Variants in DNM1L observed in about 807,000 individuals in gnomAD.
DNM1L encodes the protein dynamin-1-like protein.
A neutral mutation model predicts 92.8 loss-of-function variants in DNM1L; 33 were observed. The ratio of observed to expected loss-of-function variants is 0.36; its 90% CI spans 0.27 to 0.48. The LOEUF (loss-of-function observed/expected upper bound fraction) is 0.48. Ranked by LOEUF, DNM1L falls within the 20% of genes least tolerant of loss-of-function variation. The probability of loss-of-function intolerance (pLI) is 0.99; values close to 1 mark genes in which losing one functional copy is unlikely to be tolerated. For synonymous variants in DNM1L, 284 were observed against 305.0 expected, an observed-to-expected ratio of 0.93 and a Z score of 0.72; for missense variants, 485 against 888.8, an observed-to-expected ratio of 0.55 and a Z score of 5.78.
chr12:32,731,081 C>A lies in DNM1L; in HGVS notation c.1147C>A (p.Pro383Thr). 1 of 1,613,972 alleles carries A rather than the reference C, an allele frequency of 6.2e-7. No homozygotes were observed. The highest frequency in any genetic ancestry group is 8.5e-7 in the Non-Finnish European group (1 of 1,179,984). Residue 383 changes from proline (P) to threonine (T), a missense_variant, in exon 10 of 20, where the codon CCA (proline) becomes ACA (threonine). By Grantham distance (38) the Pro-to-Thr change is conservative. Transcript: ENST00000549701. This position sits in a 1 kb window ranked among gnomAD's most constrained non-coding sequence, Gnocchi z 5.1. ...TGGGCGAACCTTAGAATCTGTTGAT[C>A]CACTTGGTGGCCTTAACACTATTGA... ...TFGRTLESVD[P>T]LGGLNTIDIL...
At chr12:32,700,310 G>A (rs1378323434) in intron 1 of DNM1L, among the ~76,000 whole-genome samples, 2 of 152,064 alleles carry the variant, frequency 1.3e-5, no homozygotes, top group African/African-American at 4.8e-5. Flanking sequence ...AGTAGAGACA[G>A]GGTTTTGCCA....
At chr12:32,705,261 TCA>T (rs1952879601) in intron 2 of DNM1L, 2 of 152,184 alleles carry the variant, frequency 1.3e-5, no homozygotes, top group African/African-American at 2.4e-5. Flanking sequence ...CCTCGGCTTC[TCA>T]AAGTGCTGAG....
chr12:32,679,555 C>T (rs1353404801), intron 1 of DNM1L, 90 bp downstream of exon 1: 4 of 1,449,884 alleles, frequency 2.8e-6, no homozygotes, highest in Non-Finnish European at 3.7e-6. Flanking sequence ...CGCCAGCGCC[C>T]ACTCCCGCGC....
intron 1 of DNM1L, among the ~76,000 whole-genome samples, chr12:32,680,997 G>C (rs1951780487): frequency 6.6e-6 from 1 of 152,174 alleles, no homozygotes; most frequent in Non-Finnish European, 1.5e-5. Flanking sequence ...TAGTGTGTCA[G>C]CATAAATAGT....
At chr12:32,725,501 C>T (rs1167673335) in intron 9 of DNM1L, 1 of 152,202 alleles carries the variant, frequency 6.6e-6, no homozygotes, top group Non-Finnish European at 1.5e-5. Context: ...GGTTACTTTA[C>T]AGTTAACTAT....
At chr12:32,686,273 A>G (rs1952009796) in intron 1 of DNM1L, among the ~76,000 whole-genome samples, 1 of 151,856 alleles carries the variant, frequency 6.6e-6, no homozygotes, top group Non-Finnish European at 1.5e-5. Context: ...TCTCAAACTC[A>G]TGACCTCAGG....
intron 1 of DNM1L, among the ~76,000 whole-genome samples, chr12:32,700,816 A>C (rs1046540420): frequency 1.4e-4 from 21 of 152,244 alleles, no homozygotes; most frequent in African/African-American, 4.8e-4. Flanking sequence ...AAACAACTAC[A>C]TATTATAGGC....
Position 32,724,616 on chromosome 12 carries a change from ATAT to A in DNM1L, c.1079+1984_1079+1986del, listed in dbSNP as rs1954006799. ...AAAATATATATATATATATATATAT[ATAT>A]AAATTATATTAATTAAATATAAATT... On this transcript the variant is annotated intron_variant, in intron 9 of 19. Coordinates refer to ENST00000549701, the MANE Select transcript of DNM1L (RefSeq NM_012062.5). 3.3e-4 allele frequency among the ~76,000 whole-genome samples: 46 copies of A among 139,086 alleles called. 2 individuals carry two copies. Among genetic ancestry groups the A allele is most frequent in the South Asian group, 2.4e-3 (11 of 4,532 alleles). 91.2% of individuals were successfully genotyped at this position (139,086 alleles called of 152,430 possible).
intron 18 of DNM1L, among the ~76,000 whole-genome samples, chr12:32,740,896 T>C (rs559502473): frequency 6.6e-6 from 1 of 152,370 alleles, no homozygotes; most frequent in East Asian, 1.9e-4. Context: ...GAATGTCTTT[T>C]ACTAGGAAAT....
intron 9 of DNM1L, among the ~76,000 whole-genome samples, chr12:32,730,591 CAG>C (rs577004304): frequency 3.4e-4 from 51 of 151,866 alleles, no homozygotes; most frequent in African/African-American, 1.2e-3. Flanking sequence ...GTAGTTGCAG[CAG>C]AGACTGTATG....
intron 3 of DNM1L, 128 bp from the exon 4 acceptor site, chr12:32,708,025 C>T (rs1276270572): frequency 5.0e-6 from 3 of 596,228 alleles, no homozygotes; most frequent in Admixed American, 6.1e-5. Context: ...AATATGTATA[C>T]ATTAGAATTT....
intron 6 of DNM1L, among the ~76,000 whole-genome samples, chr12:32,717,152 C>T: frequency 8.8e-6 from 1 of 113,368 alleles, no homozygotes; most frequent in African/African-American, 3.4e-5. Flanking sequence ...ATATTTGTAA[C>T]TGAAATATAT....
chr12:32,711,191 C>G, intron 5 of DNM1L, 176 bp downstream of exon 5: 1 of 610,414 alleles, frequency 1.6e-6, no homozygotes, highest in Non-Finnish European at 2.9e-6. Flanking sequence ...ATACCACACT[C>G]TACAGGTTTA....
rs181515587 is a variant in DNM1L at position 32,722,347 on chromosome 12, C to G, written c.873-80C>G. On this transcript the variant is annotated intron_variant, in intron 8 of 19. Transcript: ENST00000549701. ...GGACAAATTATTTGATAGGTTTTCC[C>G]CATTGTAAAAATTTGACTTGTTTAG... is the stretch of plus-strand genomic sequence containing the variant. The G allele has an allele frequency of 1.5e-3, 1,692 of 1,136,810 alleles. 2 individuals carry two copies. Among genetic ancestry groups the G allele is most frequent in the Non-Finnish European group, 1.8e-3 (1,399 of 766,676 alleles). The allele number at this position is 1,136,810 out of a possible 1,614,324, so 70.4% of individuals were successfully genotyped here.
At chr12:32,697,934 A>C (rs1952537732) in intron 1 of DNM1L, among the ~76,000 whole-genome samples, 1 of 152,228 alleles carries the variant, frequency 6.6e-6, no homozygotes, top group African/African-American at 2.4e-5. Context: ...GAACATTCTA[A>C]GAATATTATG....
chr12:32,741,993 T>TTCA (rs1955332681), intron 18 of DNM1L, among the ~76,000 whole-genome samples: 1 of 152,230 alleles, frequency 6.6e-6, no homozygotes, highest in African/African-American at 2.4e-5. Flanking sequence ...TGTTTAAGCA[T>TTCA]TCATCAGCTG....
chr12:32,685,026 G>A (rs1208288966), intron 1 of DNM1L, among the ~76,000 whole-genome samples: 1 of 149,768 alleles, frequency 6.7e-6, no homozygotes, highest in African/African-American at 2.5e-5. Context: ...CGCAAGCTCC[G>A]CCTCCCGGGT....
rs1267868456 is a variant in DNM1L at position 32,718,234 on chromosome 12, C to T, written c.620-409C>T. On this transcript the variant is annotated intron_variant, in intron 6 of 19. Coordinates refer to ENST00000549701, the MANE Select transcript of DNM1L (RefSeq NM_012062.5). The stretch of plus-strand genomic sequence containing the variant: ...TCAGCTCACTGCAACCTCTGCCTCT[C>T]GGGTTCAAGCAATTCTCCTGCTTCA... 6.7e-5 allele frequency among the ~76,000 whole-genome samples: 10 copies of T among 149,606 alleles called. No individual in the cohort carries two copies. In the South Asian group the frequency reaches 8.5e-4, roughly 13 times the overall value.
intron 1 of DNM1L, among the ~76,000 whole-genome samples, chr12:32,691,261 A>G (rs1044394969): frequency 6.6e-6 from 1 of 151,954 alleles, no homozygotes; most frequent in African/African-American, 2.4e-5. Context: ...TTTTTTTTAG[A>G]TGGAGTCTCG....
Sources: allele counts gnomAD v4.1 joint callset (sites outside exome capture counted in the v4.1 genomes callset), GRCh38; gene constraint gnomAD v4.1.1; non-coding constraint Gnocchi (gnomAD v3.1); transcripts MANE v1.5; gene names NCBI Gene and HGNC (gene_info 2026-07-23, HGNC 2026-07-21).